Variants in DTYMK observed in about 807,000 individuals in gnomAD.
DTYMK encodes the protein thymidylate kinase.
DTYMK carries 20 observed loss-of-function variants against 20.3 expected under a neutral mutation model. The ratio of observed to expected loss-of-function variants is 0.99; its 90% CI spans 0.69 to 1.43. The LOEUF is 1.43. Ranked by LOEUF, DTYMK falls within the 40% of genes most tolerant of loss-of-function variation. The probability of loss-of-function intolerance (pLI) is 0.00; values close to 1 mark genes in which losing one functional copy is unlikely to be tolerated. For synonymous variants in DTYMK, 148 were observed against 124.4 expected (o/e 1.19, Z -1.27); for missense variants, 320 against 291.1 (o/e 1.10, Z -0.72).
At chr2:241,681,369 C>T (rs368316788) in intron 2 of DTYMK, among the ~76,000 whole-genome samples, 132 of 152,258 alleles carry the variant, frequency 8.7e-4, no homozygotes, top group African/African-American at 2.7e-3. Flanking sequence ...TAGACCAGAC[C>T]GTATACCCTC....
At chr2:241,683,203 G>C (rs1026416354) in intron 2 of DTYMK, among the ~76,000 whole-genome samples, 1 of 152,206 alleles carries the variant, frequency 6.6e-6, no homozygotes, top group African/African-American at 2.4e-5. Context: ...ATGCAAACTA[G>C]AACAATGAGA....
At chr2:241,676,665 G>A (rs1216852167) in intron 4 of DTYMK, among the ~76,000 whole-genome samples, 5 of 152,236 alleles carry the variant, frequency 3.3e-5, no homozygotes, top group Non-Finnish European at 5.9e-5. Flanking sequence ...GAAACATGAT[G>A]TGCCAACTGC....
rs568589371 is a variant in DTYMK at position 241,679,309 on chromosome 2, A to G, written c.331-660T>C. Among the ~76,000 whole-genome samples, 126 of 152,328 alleles carry G rather than the reference A, an allele frequency of 8.3e-4. 1 individual carries two copies. Among genetic ancestry groups the G allele is most frequent in the African/African-American group, 2.9e-3 (119 of 41,578 alleles). On this transcript the variant is annotated intron_variant, in intron 3 of 4. Coordinates refer to ENST00000305784, the MANE Select transcript of DTYMK (RefSeq NM_012145.4). Reference sequence around the variant, plus strand: ...CATCACACAACAGCACAATGAGCTGAGGGAAGGCGTCCACGAGAACCTCCC... The same window carrying G: ...CATCACACAACAGCACAATGAGCTGGGGGAAGGCGTCCACGAGAACCTCCC...
intron 2 of DTYMK, among the ~76,000 whole-genome samples, chr2:241,681,686 T>TA (rs1168897320): frequency 6.6e-6 from 1 of 152,184 alleles, no homozygotes; most frequent in Non-Finnish European, 1.5e-5. Flanking sequence ...ATGAGAGAAT[T>TA]GATTAAGATG....
At chr2:241,686,234 G>A (rs2069399595) in intron 1 of DTYMK, among the ~76,000 whole-genome samples, 1 of 152,230 alleles carries the variant, frequency 6.6e-6, no homozygotes, top group Non-Finnish European at 1.5e-5. Flanking sequence ...AGCGCGAACA[G>A]CCATCAAACA....
chr2:241,685,558 G>A (rs1386570073), intron 2 of DTYMK: 4 of 469,426 alleles, frequency 8.5e-6, no homozygotes, highest in Admixed American at 3.4e-5. Context: ...ATTAGTTATG[G>A]GGTGTGGGGA....
chr2:241,678,218 T>C lies in DTYMK; in HGVS notation c.528+234A>G, dbSNP rs1281517182. On this transcript the variant is annotated intron_variant, in intron 4 of 4. Transcript: ENST00000305784. ...CCAAGAAGCGGAGGTTGCAGTGAGC[T>C]GAGATCGTGCCATTGCACTCCAGCC... 3.9e-5 allele frequency among the ~76,000 whole-genome samples: 6 copies of C among 151,978 alleles called. No homozygotes were observed. The East Asian group carries it at 9.7e-4, about 25-fold the overall frequency.
In DTYMK at chr2:241,675,883, G is replaced by A. The variant is rs2125157635; in HGVS notation, c.*244C>T. On this transcript the variant is annotated 3_prime_UTR_variant, in exon 5 of 5. Coordinates refer to ENST00000305784, the MANE Select transcript of DTYMK (RefSeq NM_012145.4). ...AGAAAATACAACAGAGTGCCATCAG[G>A]ACAGGGGAGAGGGCAGGAGACTGCT... The A allele has an allele frequency of 2.4e-6, 1 of 418,474 alleles. No homozygotes were observed. The highest frequency in any genetic ancestry group is 2.1e-5 in the African/African-American group (1 of 48,628). 25.9% of individuals were successfully genotyped at this position (418,474 alleles called of 1,614,324 possible).
At chr2:241,679,143 G>A (rs2069183643) in intron 3 of DTYMK, among the ~76,000 whole-genome samples, 1 of 152,250 alleles carries the variant, frequency 6.6e-6, no homozygotes, top group Non-Finnish European at 1.5e-5. Context: ...TTATGTGCCA[G>A]CCTAGTCTCA....
At chr2:241,680,133 A>G in intron 3 of DTYMK, 96 bp downstream of exon 3, 1 of 1,151,600 alleles carries the variant, frequency 8.7e-7, no homozygotes. Flanking sequence ...GAAACTCTGC[A>G]GAGTAATCTG....
At chr2:241,678,251 G>A (rs1196579339) in intron 4 of DTYMK, among the ~76,000 whole-genome samples, 1 of 151,926 alleles carries the variant, frequency 6.6e-6, no homozygotes, top group Non-Finnish European at 1.5e-5. Flanking sequence ...GCCTGGGTTG[G>A]CACCCAGAGC....
At position 241,676,033 on chromosome 2, in the gene DTYMK, T is replaced by G; in HGVS notation, c.*94A>C. 1.7e-6 allele frequency: 2 copies of G among 1,169,402 alleles called. No homozygotes were observed. The allele number at this position is 1,169,402 out of a possible 1,614,324, so 72.4% of individuals were successfully genotyped here. A position where few individuals can be genotyped will look rare whatever the true frequency, so the allele number is the denominator to read the frequency against. On this transcript the variant is annotated 3_prime_UTR_variant, in exon 5 of 5. Transcript: ENST00000305784. The stretch of plus-strand genomic sequence containing the variant: ...TGCCGGGAAAGAGCTCCTGAAGTTG[T>G]GGGGTCTGGACTCTGCTGGGGACGG...
Position 241,686,672 on chromosome 2 carries a change from C to A in DTYMK, c.112G>T (p.Glu38Ter). The A allele has an allele frequency of 6.6e-7, 1 of 1,524,840 alleles. No individual in the cohort carries two copies. Among genetic ancestry groups the A allele is most frequent in the African/African-American group, 1.4e-5 (1 of 69,750 alleles). The allele number at this position is 1,524,840 out of a possible 1,614,324, so 94.5% of individuals were successfully genotyped here. A position where few individuals can be genotyped will look rare whatever the true frequency, so the allele number is the denominator to read the frequency against. Residue 38 changes from glutamate (E) to a stop codon, truncating the protein, a stop_gained, in exon 1 of 5, where the codon GAA (glutamate) becomes TAA (stop). Coordinates refer to ENST00000305784, the MANE Select transcript of DTYMK (RefSeq NM_012145.4). LOFTEE classifies it high-confidence loss of function. ...CACCCACCCGGGAACCGGAGCAGTT[C>A]GGCGCGGTGGCCCGCGGCGCACAGC... ...EALCAAGHRA[E>*]LLRFPERSTE... is the part of the protein sequence containing the mutation.
In DTYMK at chr2:241,675,910, C is replaced by T; in HGVS notation, c.*217G>A. 3 of 489,912 alleles carry T rather than the reference C, an allele frequency of 6.1e-6. No individual in the cohort carries two copies. In the East Asian group the frequency reaches 1.1e-4, roughly 17 times the overall value. The allele number at this position is 489,912 out of a possible 1,614,324, so 30.3% of individuals were successfully genotyped here. ...CAGGGGAGAGGGCAGGAGACTGCTCCATCGCTCTGCTCATGTCCACACTGC... is the reference window on the plus strand; with the variant it reads ...CAGGGGAGAGGGCAGGAGACTGCTCTATCGCTCTGCTCATGTCCACACTGC... On this transcript the variant is annotated 3_prime_UTR_variant, in exon 5 of 5. Coordinates refer to ENST00000305784, the MANE Select transcript of DTYMK (RefSeq NM_012145.4).
chr2:241,677,948 A>C (rs2125160518), intron 4 of DTYMK, among the ~76,000 whole-genome samples: 1 of 152,338 alleles, frequency 6.6e-6, no homozygotes, highest in East Asian at 1.9e-4. Flanking sequence ...AAAGCGCCAA[A>C]TGTCAACATT....
chr2:241,686,774 G>A lies in DTYMK; in HGVS notation c.10C>T (p.Arg4Trp), dbSNP rs1334054056. MAA[R>W]RGALIVLEGV... ...TCCAGCACTATGAGAGCCCCGCGCCGGGCCGCCATGACTGTCCACCGCCCG... is the reference window on the plus strand; with the variant it reads ...TCCAGCACTATGAGAGCCCCGCGCCAGGCCGCCATGACTGTCCACCGCCCG... The change falls in exon 1 of 5, where the codon CGG (arginine) becomes TGG (tryptophan). Residue 4 changes from arginine (R) to tryptophan (W), a missense_variant. By Grantham distance (101) the Arg-to-Trp change is moderately radical. Coordinates refer to ENST00000305784, the MANE Select transcript of DTYMK (RefSeq NM_012145.4). 2.0e-5 allele frequency: 29 copies of A among 1,460,242 alleles called. No homozygotes were observed. The highest frequency in any genetic ancestry group is 2.6e-5 in the Non-Finnish European group (29 of 1,121,074). 90.5% of individuals were successfully genotyped at this position (1,460,242 alleles called of 1,614,324 possible). A position where few individuals can be genotyped will look rare whatever the true frequency, so the allele number is the denominator to read the frequency against.
In DTYMK at chr2:241,680,130, T is replaced by C. The variant is rs2069205846; in HGVS notation, c.330+99A>G. Reference sequence around the variant, plus strand: ...AAGGAATATAAGAATCACGAAACTCTGCAGAGTAATCTGAGGCATGTCACT... The same window carrying C: ...AAGGAATATAAGAATCACGAAACTCCGCAGAGTAATCTGAGGCATGTCACT... On this transcript the variant is annotated intron_variant, in intron 3 of 4. Transcript: ENST00000305784. The C allele has an allele frequency of 1.3e-5, 15 of 1,130,000 alleles. No individual in the cohort carries two copies. In the South Asian group the frequency reaches 2.0e-4, roughly 15 times the overall value. The allele number at this position is 1,130,000 out of a possible 1,614,324, so 70.0% of individuals were successfully genotyped here.
intron 2 of DTYMK, among the ~76,000 whole-genome samples, chr2:241,681,204 A>T (rs2069250405): frequency 6.6e-6 from 1 of 152,264 alleles, no homozygotes; most frequent in Non-Finnish European, 1.5e-5. Context: ...CATTCGACTC[A>T]GCCAGTCTCA....
chr2:241,682,832 G>A (rs1000588761), intron 2 of DTYMK: 6 of 177,530 alleles, frequency 3.4e-5, no homozygotes, highest in Non-Finnish European at 6.2e-5. Context: ...GCTGAGGCAG[G>A]AGAATCGCTT....
Sources: gnomAD v4.1 joint callset for allele counts (sites outside exome capture counted in the v4.1 genomes callset) on GRCh38, gnomAD v4.1.1 for gene constraint, MANE v1.5 for transcripts, NCBI Gene and HGNC (gene_info 2026-07-23, HGNC 2026-07-21) for gene names.